Variants in LIMCH1 observed in about 807,000 individuals in gnomAD.
LIMCH1 encodes the protein LIM and calponin homology domains-containing protein 1.
A neutral mutation model predicts 176.5 loss-of-function variants in LIMCH1; 113 were observed. That is an observed-to-expected ratio of 0.64 (90% CI 0.55 to 0.75). The LOEUF is 0.75. Ranked by LOEUF, LIMCH1 falls within the 30% of genes least tolerant of loss-of-function variation. The probability of loss-of-function intolerance (pLI) is 0.00; values close to 1 mark genes in which losing one functional copy is unlikely to be tolerated. For missense variants in LIMCH1, 1,674 were observed against 1,814.9 expected, an observed-to-expected ratio of 0.92 and a Z score of 1.41; for synonymous variants, 619 against 645.9, an observed-to-expected ratio of 0.96 and a Z score of 0.63.
intron 4 of LIMCH1, chr4:41,613,088 G>T (rs1454312564): frequency 6.4e-7 from 1 of 1,552,200 alleles, no homozygotes. Context: ...GATTCCGAAA[G>T]ACAAGTCAAG....
intron 30 of LIMCH1, among the ~76,000 whole-genome samples, chr4:41,691,602 A>AAT (rs1163519314): frequency 2.7e-5 from 4 of 150,292 alleles, no homozygotes; most frequent in Non-Finnish European, 5.9e-5. Context: ...CAAAAAAAAA[A>AAT]AAAAAAAAAA....
At chr4:41,695,406 C>A (rs974199136) in intron 31 of LIMCH1, among the ~76,000 whole-genome samples, 1 of 150,890 alleles carries the variant, frequency 6.6e-6, no homozygotes, top group Non-Finnish European at 1.5e-5. Flanking sequence ...AGCTATCTGG[C>A]CTGATTTTTT....
At chr4:41,662,534 A>G (rs1427858108) in intron 19 of LIMCH1, among the ~76,000 whole-genome samples, 1 of 152,176 alleles carries the variant, frequency 6.6e-6, no homozygotes, top group Non-Finnish European at 1.5e-5. Context: ...ATTCTGTTCC[A>G]TGTGGTGTTA....
chr4:41,642,737 C>CTTTTTTTTTTTTTTTTTT (rs368906535), intron 14 of LIMCH1, among the ~76,000 whole-genome samples: 1 of 136,402 alleles, frequency 7.3e-6, no homozygotes, highest in Non-Finnish European at 1.5e-5. Flanking sequence ...TTTCTTTTTT[C>CTTTTTTTTTTTTTTTTTT]TTTTTTTTTT....
At chr4:41,362,443 C>G (rs2052269574) in intron 1 of LIMCH1, among the ~76,000 whole-genome samples, 1 of 152,174 alleles carries the variant, frequency 6.6e-6, no homozygotes, top group Non-Finnish European at 1.5e-5. Flanking sequence ...TTTGTAGTTA[C>G]TGGCTTATTG....
chr4:41,513,557 G>T (rs749842006), intron 2 of LIMCH1, among the ~76,000 whole-genome samples: 5 of 152,266 alleles, frequency 3.3e-5, no homozygotes, highest in Non-Finnish European at 7.4e-5. Context: ...GGAACAGGGG[G>T]ACTCCACTCA....
At chr4:41,613,247 A>G (rs2091674443) in intron 4 of LIMCH1, 5 of 885,580 alleles carry the variant, frequency 5.6e-6, no homozygotes, top group Non-Finnish European at 8.8e-6. Context: ...TTTAAAAAAA[A>G]CGTTGTGCAT....
chr4:41,632,728 A>G (rs1562003646), intron 10 of LIMCH1, 21 bp from the exon 11 acceptor site: 2 of 1,524,724 alleles, frequency 1.3e-6, no homozygotes, highest in South Asian at 1.2e-5. Context: ...CTTGCCACCA[A>G]TGCTACTTGA....
At chr4:41,461,380 G>A (rs1305525897) in intron 1 of LIMCH1, among the ~76,000 whole-genome samples, 1 of 152,084 alleles carries the variant, frequency 6.6e-6, no homozygotes, top group African/African-American at 2.4e-5. Flanking sequence ...CGACTAAAGA[G>A]GTTTTGCCTC....
At chr4:41,508,893 A>G (rs1285073109) in intron 2 of LIMCH1, among the ~76,000 whole-genome samples, 1 of 152,232 alleles carries the variant, frequency 6.6e-6, no homozygotes, top group African/African-American at 2.4e-5. Context: ...CAGTCAACTG[A>G]TCATGATTCC....
At chr4:41,471,467 T>C (rs915182429) in intron 1 of LIMCH1, among the ~76,000 whole-genome samples, 4 of 152,252 alleles carry the variant, frequency 2.6e-5, no homozygotes, top group African/African-American at 9.6e-5. Flanking sequence ...GAATTATTTT[T>C]GAACTGGTTC....
intron 1 of LIMCH1, among the ~76,000 whole-genome samples, chr4:41,459,074 G>T (rs2064985151): frequency 6.6e-6 from 1 of 152,096 alleles, no homozygotes; most frequent in Admixed American, 6.5e-5. Context: ...CCAATAACAT[G>T]CTTGGCACTG....
At chr4:41,439,701 G>A (rs2062493406) in intron 1 of LIMCH1, among the ~76,000 whole-genome samples, 1 of 152,150 alleles carries the variant, frequency 6.6e-6, no homozygotes, top group Non-Finnish European at 1.5e-5. Context: ...TCAGGAGTTA[G>A]AGAACAGCCT....
At chr4:41,395,798 T>C (rs1026707694) in intron 1 of LIMCH1, among the ~76,000 whole-genome samples, 1 of 152,168 alleles carries the variant, frequency 6.6e-6, no homozygotes, top group Non-Finnish European at 1.5e-5. Flanking sequence ...GGGAGCTAGC[T>C]CCTGCCTTCT....
At chr4:41,670,829 C>T (rs774124016) in intron 21 of LIMCH1, 86 of 1,533,582 alleles carry the variant, frequency 5.6e-5, no homozygotes, top group Middle Eastern at 5.0e-4. Context: ...TTCTTTTGTG[C>T]GAAAATCCAT....
chr4:41,478,294 A>C (rs186906440), intron 1 of LIMCH1, among the ~76,000 whole-genome samples: 3 of 136,564 alleles, frequency 2.2e-5, no homozygotes. Context: ...CTCAATGATC[A>C]CTCCTTCCCT....
At chr4:41,426,002 GA>G (rs1432308829) in intron 1 of LIMCH1, among the ~76,000 whole-genome samples, 1 of 150,786 alleles carries the variant, frequency 6.6e-6, no homozygotes, top group African/African-American at 2.4e-5. Flanking sequence ...TGAAATCTGA[GA>G]GAGTGAAAAG....
At chr4:41,528,422 A>G (rs1382245932) in intron 3 of LIMCH1, among the ~76,000 whole-genome samples, 1 of 152,228 alleles carries the variant, frequency 6.6e-6, no homozygotes, top group Non-Finnish European at 1.5e-5. Flanking sequence ...ACCTCAAATA[A>G]TTAATGGGTT....
At position 41,639,706 on chromosome 4, in the gene LIMCH1, A is replaced by C. The variant is rs1033754680; in HGVS notation, c.2126+739A>C. On this transcript the variant is annotated intron_variant, in intron 14 of 31. Coordinates refer to ENST00000503057, the MANE Select transcript of LIMCH1 (RefSeq NM_001330672.2). Reference sequence around the variant, plus strand: ...GCAGATCATTCTGCAACTGATATTCAAGGCAAACTTTTTTTTATTTGCAAA... The same window carrying C: ...GCAGATCATTCTGCAACTGATATTCCAGGCAAACTTTTTTTTATTTGCAAA... Among the ~76,000 whole-genome samples, 3 of 152,308 alleles carry C rather than the reference A, an allele frequency of 2.0e-5. No homozygotes were observed. In the East Asian group the frequency reaches 5.8e-4, roughly 29 times the overall value.
Sources: gnomAD v4.1 joint callset for allele counts (sites outside exome capture counted in the v4.1 genomes callset) on GRCh38, gnomAD v4.1.1 for gene constraint, MANE v1.5 for transcripts, NCBI Gene and HGNC (gene_info 2026-07-23, HGNC 2026-07-21) for gene names.